ATP1B4: variants seen among roughly 807,000 people sequenced by gnomAD.
ATP1B4 encodes protein ATP1B4.
A neutral mutation model predicts 29.6 loss-of-function variants in ATP1B4; 32 were observed. The observed-to-expected ratio is 1.08, with a 90% CI of 0.82 to 1.45. The LOEUF is 1.45. Among genes scored for constraint, ATP1B4 ranks in the 40% most tolerant of loss-of-function variants. ATP1B4 has a pLI of 0.00. For synonymous variants in ATP1B4, 127 were observed against 102.1 expected, an observed-to-expected ratio of 1.24 and a Z score of -1.47; for missense variants, 323 against 276.2, an observed-to-expected ratio of 1.17 and a Z score of -1.20.
In ATP1B4 at chrX:120,378,741, C is replaced by G; in HGVS notation, c.880C>G (p.Arg294Gly). ...CCCAGAGTCGGCTTCTTTTGACCTC[C>G]GCTACTACCCTTACTACGGCAAACT... The part of the protein sequence containing the change: ...YYPESASFDL[R>G]YYPYYGKLTH... The change falls in exon 7 of 8, where the codon CGC becomes GGC. Residue 294 changes from arginine (R) to glycine (G), a missense_variant. Arg to Gly is a moderately radical substitution (Grantham distance 125). Transcript: ENST00000218008. 1 of 1,210,663 alleles carries G rather than the reference C, an allele frequency of 8.3e-7. No individual in the cohort carries two copies. The highest frequency in any genetic ancestry group is 1.1e-6 in the Non-Finnish European group (1 of 894,686).
intron 1 of ATP1B4, 55 bp downstream of exon 1, chrX:120,362,286 G>T (rs944686318): frequency 1.9e-5 from 20 of 1,078,624 alleles, no homozygotes; most frequent in East Asian, 1.5e-4. Flanking sequence ...ATTTTAATGG[G>T]GTGGGTTGGG....
intron 1 of ATP1B4, among the ~76,000 whole-genome samples, chrX:120,366,227 G>T (rs947064649): frequency 9.0e-6 from 1 of 111,645 alleles, no homozygotes; most frequent in Non-Finnish European, 1.9e-5. Flanking sequence ...CAAGGCCCCA[G>T]AACAGAGTAG....
At position 120,381,518 on chromosome X, in the gene ATP1B4, T is replaced by C. The variant is rs1163079578; in HGVS notation, c.*1884T>C. 1.8e-5 allele frequency: 2 copies of C among 111,281 alleles called. No individual in the cohort carries two copies. The highest frequency in any genetic ancestry group is 6.6e-5 in the African/African-American group (2 of 30,504). 9.2% of individuals were successfully genotyped at this position (111,281 alleles called of 1,213,427 possible). On this transcript the variant is annotated 3_prime_UTR_variant, in exon 8 of 8. Coordinates refer to ENST00000218008, the MANE Select transcript of ATP1B4 (RefSeq NM_001142447.3). ...CAGGCTGGAGTGCAGTGGTGTGATC[T>C]CGGCTCACTGCAACCTCCACCTCCC... is the stretch of plus-strand genomic sequence containing the variant.
At chrX:120,378,836 C>T (rs1391288006) in intron 7 of ATP1B4, 63 bp downstream of exon 7, 9 of 1,019,755 alleles carry the variant, frequency 8.8e-6, no homozygotes, top group East Asian at 3.0e-5. Context: ...GAAGAGCTGG[C>T]TGGGATCTAT....
At position 120,369,171 on chromosome X, in the gene ATP1B4, C is replaced by A. The variant is rs1156543931; in HGVS notation, c.329-1544C>A. 1.8e-5 allele frequency among the ~76,000 whole-genome samples: 2 copies of A among 112,269 alleles called. 1 individual carries two copies. Among genetic ancestry groups the A allele is most frequent in the Admixed American group, 1.9e-4 (2 of 10,647 alleles). On this transcript the variant is annotated intron_variant, in intron 2 of 7. Transcript: ENST00000218008. The stretch of plus-strand genomic sequence containing the variant: ...CCATGGATGGCTCTAGCTGTTGATC[C>A]ATTCCTAGGACAGGGATGGGGTAAA...
chrX:120,371,576 G>A (rs1284718623), intron 4 of ATP1B4, among the ~76,000 whole-genome samples: 1 of 111,806 alleles, frequency 8.9e-6, no homozygotes, highest in African/African-American at 3.3e-5. Flanking sequence ...AAAGAAGAAT[G>A]TTCTCCAGAG....
chrX:120,363,378 GC>G (rs750109204), intron 1 of ATP1B4, among the ~76,000 whole-genome samples: 44 of 112,382 alleles, frequency 3.9e-4, no homozygotes, highest in African/African-American at 1.4e-3. Context: ...TTTCTTACTT[GC>G]CTTCTTTTCT....
rs1202586549 is a variant in ATP1B4 at position 120,380,406 on chromosome X, G to A, written c.*772G>A. The A allele has an allele frequency of 8.9e-6, 1 of 112,187 alleles. No individual in the cohort carries two copies. Among genetic ancestry groups the A allele is most frequent in the Non-Finnish European group, 1.9e-5 (1 of 53,264 alleles). 9.2% of individuals were successfully genotyped at this position (112,187 alleles called of 1,213,427 possible). A position where few individuals can be genotyped will look rare whatever the true frequency, so the allele number is the denominator to read the frequency against. On this transcript the variant is annotated 3_prime_UTR_variant, in exon 8 of 8. Coordinates refer to ENST00000218008, the MANE Select transcript of ATP1B4 (RefSeq NM_001142447.3). Reference sequence around the variant, plus strand: ...TATTTTCAACTGGGAAAAAAGCAGTGCTAACAGGATATTGTTCTGGGATAG... The same window carrying A: ...TATTTTCAACTGGGAAAAAAGCAGTACTAACAGGATATTGTTCTGGGATAG...
intron 1 of ATP1B4, 24 bp from the exon 2 acceptor site, chrX:120,366,501 T>C (rs750624336): frequency 3.1e-5 from 37 of 1,181,272 alleles, no homozygotes; most frequent in Non-Finnish European, 4.1e-5. Flanking sequence ...TCAAAAAGGG[T>C]ATTGTGTTTT....
rs747108106 is a variant in ATP1B4, at chrX:120,370,818, C to T, written c.432C>T (p.Thr144=). Residue 144 remains threonine (T), a synonymous_variant, in exon 3 of 8, where the codon ACC becomes ACT. Coordinates refer to ENST00000218008, the MANE Select transcript of ATP1B4 (RefSeq NM_001142447.3). ...TGACCATCAGTCCCTATATACCAACCTTCACGGAGCGGGTAAAGCCTCCTG... is the reference window on the plus strand; with the variant it reads ...TGACCATCAGTCCCTATATACCAACTTTCACGGAGCGGGTAAAGCCTCCTG... The part of the protein sequence containing the change: ...LFLTISPYIP[T]FTERVKPPGV... The T allele has an allele frequency of 8.3e-7, 1 of 1,209,362 alleles. No homozygotes were observed. Among genetic ancestry groups the T allele is most frequent in the Admixed American group, 2.2e-5 (1 of 45,628 alleles).
intron 2 of ATP1B4, among the ~76,000 whole-genome samples, chrX:120,368,483 CTA>C (rs1446474981): frequency 8.9e-6 from 1 of 111,845 alleles, no homozygotes; most frequent in Non-Finnish European, 1.9e-5. Context: ...CTTGGAAACT[CTA>C]TGTTATTTTA....
chrX:120,366,584 A>G lies in ATP1B4; in HGVS notation c.123A>G (p.Glu41=), dbSNP rs2091198256. The change falls in exon 2 of 8, where the codon GAA becomes GAG. Residue 41 remains glutamate, a synonymous_variant. Transcript: ENST00000218008. Reference sequence around the variant, plus strand: ...CAGATGAAGAGGAGGAAGCAGAAGAAGAGGCTCGGGTGACGGTGGTGCCCA... The same window carrying G: ...CAGATGAAGAGGAGGAAGCAGAAGAGGAGGCTCGGGTGACGGTGGTGCCCA... ...YLADEEEEAE[E]EARVTVVPKS... The G allele has an allele frequency of 4.2e-6, 5 of 1,203,007 alleles. No individual in the cohort carries two copies. In the South Asian group the frequency reaches 5.3e-5, roughly 13 times the overall value.
At position 120,380,860 on chromosome X, in the gene ATP1B4, C is replaced by T. The variant is rs1267590852; in HGVS notation, c.*1226C>T. Reference sequence around the variant, plus strand: ...ATTCTTATCCAGGATGTGGATCAGCCAGGTCACTTTGTCTTATCTTTGGTC... The same window carrying T: ...ATTCTTATCCAGGATGTGGATCAGCTAGGTCACTTTGTCTTATCTTTGGTC... On this transcript the variant is annotated 3_prime_UTR_variant, in exon 8 of 8. Coordinates refer to ENST00000218008, the MANE Select transcript of ATP1B4 (RefSeq NM_001142447.3). 8.9e-6 allele frequency: 1 copy of T among 111,957 alleles called. No homozygotes were observed. Among genetic ancestry groups the T allele is most frequent in the Admixed American group, 9.5e-5 (1 of 10,491 alleles). 9.2% of individuals were successfully genotyped at this position (111,957 alleles called of 1,213,427 possible). A position where few individuals can be genotyped will look rare whatever the true frequency, so the allele number is the denominator to read the frequency against.
At chrX:120,362,451 G>C (rs1463674520) in intron 1 of ATP1B4, among the ~76,000 whole-genome samples, 1 of 111,692 alleles carries the variant, frequency 9.0e-6, no homozygotes, top group Non-Finnish European at 1.9e-5. Context: ...CTCTTCCTGT[G>C]AAACAAAGAT....
chrX:120,379,367 A>T lies in ATP1B4; in HGVS notation c.913-106A>T, dbSNP rs779196627. ...GCCATTTGCAAATTGGCATCATGGG[A>T]TTTACTCAGTTCTCTTTGTGAGGGT... On this transcript the variant is annotated intron_variant, in intron 7 of 7. Transcript: ENST00000218008. 2.2e-5 allele frequency: 17 copies of T among 767,525 alleles called. No homozygotes were observed. In the Admixed American group the frequency reaches 2.7e-4, roughly 12 times the overall value. The allele number at this position is 767,525 out of a possible 1,213,427, so 63.3% of individuals were successfully genotyped here. A position where few individuals can be genotyped will look rare whatever the true frequency, so the allele number is the denominator to read the frequency against.
At chrX:120,362,327 C>T (rs995002101) in intron 1 of ATP1B4, 96 bp downstream of exon 1, 4 of 822,668 alleles carry the variant, frequency 4.9e-6, no homozygotes, top group African/African-American at 4.1e-5. Context: ...ACGGCTGCCT[C>T]TCTTTGAGAC....
intron 3 of ATP1B4, 129 bp downstream of exon 3, chrX:120,370,972 A>G (rs1299541718): frequency 1.9e-6 from 2 of 1,038,349 alleles, no homozygotes; most frequent in South Asian, 2.1e-5. Flanking sequence ...TTAGGAGGAA[A>G]AGTAAAATGG....
chrX:120,362,979 G>C (rs1462603442), intron 1 of ATP1B4, among the ~76,000 whole-genome samples: 1 of 112,588 alleles, frequency 8.9e-6, no homozygotes, highest in Non-Finnish European at 1.9e-5. Context: ...ACATTCTTTT[G>C]TCTCATCATT....
Position 120,366,519 on chromosome X carries a change from T to C in ATP1B4, c.64-6T>C, listed in dbSNP as rs2058286516. Reference sequence around the variant, plus strand: ...AAAAGGGTATTGTGTTTTGTCACTGTTCCAGGATGATCCGGATGAAGCGAA... The same window carrying C: ...AAAAGGGTATTGTGTTTTGTCACTGCTCCAGGATGATCCGGATGAAGCGAA... On this transcript the variant is annotated splice_polypyrimidine_tract_variant and splice_region_variant and intron_variant, in intron 1 of 7. Coordinates refer to ENST00000218008, the MANE Select transcript of ATP1B4 (RefSeq NM_001142447.3). 1.7e-6 allele frequency: 2 copies of C among 1,205,320 alleles called. No individual in the cohort carries two copies. The highest frequency in any genetic ancestry group is 2.2e-6 in the Non-Finnish European group (2 of 890,915).
Sources: allele counts gnomAD v4.1 joint callset (sites outside exome capture counted in the v4.1 genomes callset), GRCh38; gene constraint gnomAD v4.1.1; transcripts MANE v1.5; gene names NCBI Gene and HGNC (gene_info 2026-07-23, HGNC 2026-07-21).